The following ITPR1 variants were observed in gnomAD, a reference collection of about 807,000 sequenced individuals.
ITPR1 encodes the protein inositol 1,4,5-trisphosphate-gated calcium channel ITPR1.
Under a neutral mutation model 318.4 loss-of-function variants are expected in ITPR1, and 96 were observed. That is an observed-to-expected ratio of 0.30 (90% confidence interval 0.26 to 0.36). ITPR1 has a LOEUF of 0.36. Among genes scored for constraint, ITPR1 ranks in the 10% least tolerant of loss-of-function variants. ITPR1 has a pLI of 1.00. For missense variants in ITPR1, 2,440 were observed against 3,460.2 expected (o/e 0.71, Z 7.40); for synonymous variants, 1,312 against 1,289.9 (o/e 1.02, Z -0.37).
At chr3:4,776,825 G>T (rs1171019046) in intron 47 of ITPR1, among the ~76,000 whole-genome samples, 1 of 152,174 alleles carries the variant, frequency 6.6e-6, no homozygotes, top group Admixed American at 6.5e-5. Context: ...GATTAATTTT[G>T]ATATTGTGTG....
At position 4,683,406 on chromosome 3, in the gene ITPR1, A is replaced by G; in HGVS notation, c.3182A>G (p.Asp1061Gly). 6.2e-7 allele frequency: 1 copy of G among 1,613,992 alleles called. No individual in the cohort carries two copies. Among genetic ancestry groups the G allele is most frequent in the East Asian group, 2.2e-5 (1 of 44,882 alleles). Residue 1061 changes from aspartate (D) to glycine (G), a missense_variant, in exon 27 of 62, where the codon GAC (aspartate) becomes GGC (glycine). Coordinates refer to ENST00000649015, the MANE Select transcript of ITPR1 (RefSeq NM_001378452.1). ...FGGSEENTPL[D>G]LDDHGGRTFL... Reference sequence around the variant, plus strand: ...TTTAGTGAGGAGAACACCCCACTGGACTTGGATGACCACGGCGGCAGAACC... The same window carrying G: ...TTTAGTGAGGAGAACACCCCACTGGGCTTGGATGACCACGGCGGCAGAACC...
chr3:4,711,701 C>G (rs2041384536), intron 38 of ITPR1, 56 bp from the exon 39 acceptor site: 2 of 939,072 alleles, frequency 2.1e-6, no homozygotes, highest in South Asian at 1.4e-5. Context: ...CTTGTGAAGT[C>G]TTTTTAATTT....
intron 4 of ITPR1, among the ~76,000 whole-genome samples, chr3:4,545,787 T>C (rs1426467363): frequency 2.0e-5 from 3 of 147,280 alleles, no homozygotes; most frequent in South Asian, 2.2e-4. Context: ...AGCCTCAGCC[T>C]CCTGGGCTCA....
At position 4,779,307 on chromosome 3, in the gene ITPR1, G is replaced by A. The variant is rs1487747592; in HGVS notation, c.6292-243G>A. ...GCTAACATTAGGGCATAACACACATGCCCTGACAAATATGTGCCTCTTTGT... is the reference window on the plus strand; with the variant it reads ...GCTAACATTAGGGCATAACACACATACCCTGACAAATATGTGCCTCTTTGT... On this transcript the variant is annotated intron_variant, in intron 48 of 61. Coordinates refer to ENST00000649015, the MANE Select transcript of ITPR1 (RefSeq NM_001378452.1). The surrounding 1 kb of genome is among the most constrained non-coding windows in gnomAD (Gnocchi z 4.0). 5.3e-5 allele frequency among the ~76,000 whole-genome samples: 8 copies of A among 152,252 alleles called. No homozygotes were observed. Among genetic ancestry groups the A allele is most frequent in the African/African-American group, 1.9e-4 (8 of 41,472 alleles).
chr3:4,530,703 C>A lies in ITPR1; in HGVS notation c.163+9609C>A, dbSNP rs913773472. 3.3e-5 allele frequency among the ~76,000 whole-genome samples: 5 copies of A among 152,090 alleles called. No homozygotes were observed. The South Asian group carries it at 1.0e-3, about 32-fold the overall frequency. On this transcript the variant is annotated intron_variant, in intron 4 of 61. Coordinates refer to ENST00000649015, the MANE Select transcript of ITPR1 (RefSeq NM_001378452.1). ...GGCTGAGGCAGGAGGGTTGCTTGAG[C>A]CCAGTAGGTTGAGGCCGCAGTGAGC...
At chr3:4,746,856 C>G (rs2044146051) in intron 44 of ITPR1, among the ~76,000 whole-genome samples, 1 of 152,204 alleles carries the variant, frequency 6.6e-6, no homozygotes, top group African/African-American at 2.4e-5. Context: ...TTTATCTTCC[C>G]TCACCCACTA....
chr3:4,494,994 G>C (rs1454477478), intron 2 of ITPR1, among the ~76,000 whole-genome samples: 2 of 152,176 alleles, frequency 1.3e-5, no homozygotes, highest in African/African-American at 4.8e-5. Context: ...ACTTTAAAAA[G>C]GGAAGTGAGT....
rs182458813 is a variant in ITPR1 at position 4,735,414 on chromosome 3, C to T, written c.5544+60C>T. 1.9e-4 allele frequency: 268 copies of T among 1,424,810 alleles called. No homozygotes were observed. In the African/African-American group the frequency reaches 3.3e-3, roughly 17 times the overall value. 88.3% of individuals were successfully genotyped at this position (1,424,810 alleles called of 1,614,324 possible). On this transcript the variant is annotated intron_variant, in intron 44 of 61. Coordinates refer to ENST00000649015, the MANE Select transcript of ITPR1 (RefSeq NM_001378452.1). ...CTGCTGAGCAGGAGGAGAGTCTGTT[C>T]TGGGAGCCAGATGTCTGGGTGGTAC...
intron 2 of ITPR1, among the ~76,000 whole-genome samples, chr3:4,511,660 CT>C (rs2081836698): frequency 6.6e-6 from 1 of 152,168 alleles, no homozygotes; most frequent in African/African-American, 2.4e-5. Flanking sequence ...CATTTTACAG[CT>C]GGGAAAAGTG....
chr3:4,593,146 C>T (rs558187665), intron 4 of ITPR1, among the ~76,000 whole-genome samples: 6 of 152,238 alleles, frequency 3.9e-5, no homozygotes, highest in East Asian at 3.9e-4. Flanking sequence ...CAACACGATG[C>T]GGTGTGGGGT....
chr3:4,674,492 C>A (rs2094146599), intron 22 of ITPR1, 149 bp downstream of exon 22: 1 of 645,244 alleles, frequency 1.5e-6, no homozygotes. Flanking sequence ...GGTTTTGTTC[C>A]AGAATAAAAT....
At chr3:4,837,127 G>A (rs1031060974) in intron 61 of ITPR1, among the ~76,000 whole-genome samples, 192 bp downstream of exon 61, 9 of 151,960 alleles carry the variant, frequency 5.9e-5, no homozygotes, top group Non-Finnish European at 2.9e-5. Context: ...CCTTTTCCAG[G>A]ATAAAGCCAT....
intron 4 of ITPR1, among the ~76,000 whole-genome samples, chr3:4,560,394 A>G (rs913594021): frequency 4.6e-5 from 7 of 152,220 alleles, no homozygotes; most frequent in African/African-American, 1.7e-4. Context: ...GTATACACAT[A>G]CATTAGTTAT....
chr3:4,747,177 G>C (rs995704762), intron 44 of ITPR1, among the ~76,000 whole-genome samples: 1 of 152,308 alleles, frequency 6.6e-6, no homozygotes, highest in Non-Finnish European at 1.5e-5. Context: ...TTGTAATAAT[G>C]ATGGACAGTA....
At position 4,652,200 on chromosome 3, in the gene ITPR1, G is replaced by A. The variant is rs374618053; in HGVS notation, c.933G>A (p.Gly311=). The A allele has an allele frequency of 2.0e-5, 33 of 1,611,416 alleles. No homozygotes were observed. The highest frequency in any genetic ancestry group is 1.9e-4 in the South Asian group (17 of 90,276). The part of the protein sequence containing the change: ...SLFRFKHLAT[G]HYLAAEVDPD... ...TCCGTTTCAAGCATCTGGCCACGGG[G>A]CATTACTTGGCAGCAGAGGTAAGTA... is the stretch of plus-strand genomic sequence containing the variant. Residue 311 remains glycine, a synonymous_variant, in exon 11 of 62, where the codon GGG becomes GGA. Coordinates refer to ENST00000649015, the MANE Select transcript of ITPR1 (RefSeq NM_001378452.1).
chr3:4,588,454 G>T (rs2090109075), intron 4 of ITPR1, among the ~76,000 whole-genome samples: 1 of 152,040 alleles, frequency 6.6e-6, no homozygotes, highest in African/African-American at 2.4e-5. Context: ...TGCAGACACA[G>T]TTCTCTGCTG....
chr3:4,704,426 A>T (rs1032282529), intron 36 of ITPR1, among the ~76,000 whole-genome samples: 1 of 152,126 alleles, frequency 6.6e-6, no homozygotes, highest in Non-Finnish European at 1.5e-5. Context: ...AAAACAAAAA[A>T]ATCCCTACCT....
rs776530035 is a variant in ITPR1 at position 4,813,165 on chromosome 3, G to A, written c.7492G>A (p.Glu2498Lys). The change falls in exon 57 of 62, where the codon GAG (glutamate) becomes AAG (lysine). Residue 2498 changes from glutamate (E) to lysine (K), a missense_variant. Around this residue, in one of 23 missense-constraint regions of ITPR1, gnomAD observed 88 missense variants for 90.5 expected, o/e 0.97. Coordinates refer to ENST00000649015, the MANE Select transcript of ITPR1 (RefSeq NM_001378452.1). ...AGAAACCGGCGAGAGTTTGGCAAGC[G>A]AGTTCCTGTTCTCCGATGTGTGTAG... is the stretch of plus-strand genomic sequence containing the variant. Reference protein sequence around the residue: ...VPETGESLASEFLFSDVCRVE... With the variant: ...VPETGESLASKFLFSDVCRVE... 4.3e-6 allele frequency: 7 copies of A among 1,613,946 alleles called. No homozygotes were observed. Among genetic ancestry groups the A allele is most frequent in the East Asian group, 2.2e-5 (1 of 44,894 alleles).
intron 20 of ITPR1, chr3:4,671,542 A>ATC (rs1215017170): frequency 6.6e-6 from 1 of 152,198 alleles, no homozygotes; most frequent in African/African-American, 2.4e-5. Context: ...GATTCCCTGT[A>ATC]TGTTTACCCA....
Sources: allele counts gnomAD v4.1 joint callset (sites outside exome capture counted in the v4.1 genomes callset), GRCh38; gene constraint gnomAD v4.1.1; regional missense constraint gnomAD v4.1.1; non-coding constraint Gnocchi (gnomAD v3.1); transcripts MANE v1.5; gene names NCBI Gene and HGNC (gene_info 2026-07-23, HGNC 2026-07-21).